SLC26A3: variants seen among roughly 807,000 people sequenced by gnomAD.
The protein encoded by SLC26A3 is solute carrier family 26 member 3, also known as chloride anion exchanger.
A neutral mutation model predicts 85.6 loss-of-function variants in SLC26A3; 64 were observed. The ratio of observed to expected loss-of-function variants is 0.75; its 90% confidence interval spans 0.61 to 0.92. The LOEUF is 0.92. Ranked by LOEUF, SLC26A3 falls within the 40% of genes least tolerant of loss-of-function variation. The pLI is 0.00. For missense variants in SLC26A3, 922 were observed against 927.3 expected (o/e 0.99, Z 0.07); for synonymous variants, 349 against 336.0 (o/e 1.04, Z -0.42).
chr7:107,790,953 T>C, intron 5 of SLC26A3, 95 bp downstream of exon 5: 1 of 1,288,362 alleles, frequency 7.8e-7, no homozygotes, highest in Non-Finnish European at 1.1e-6. Flanking sequence ...AAAGGGAAGA[T>C]GGGGAGGAGT....
At position 107,791,180 on chromosome 7, in the gene SLC26A3, T is replaced by C; in HGVS notation, c.438A>G (p.Ser146=). ...TTGCATTGCGATCTGGGACTGCTTT[T>C]GAAACTGCTCCTGAAACTGCTAGTC... The part of the protein sequence containing the change: ...MVGLAVSGAV[S]KAVPDRNATT... Residue 146 remains serine, a synonymous_variant, in exon 5 of 21, where the codon TCA becomes TCG. Coordinates refer to ENST00000340010, the MANE Select transcript of SLC26A3 (RefSeq NM_000111.3). 1 of 1,614,226 alleles carries C rather than the reference T, an allele frequency of 6.2e-7. No individual in the cohort carries two copies. Among genetic ancestry groups the C allele is most frequent in the Non-Finnish European group, 8.5e-7 (1 of 1,180,046 alleles).
chr7:107,770,550 T>C (rs897757488), intron 18 of SLC26A3, among the ~76,000 whole-genome samples: 2 of 152,050 alleles, frequency 1.3e-5, no homozygotes, highest in African/African-American at 4.8e-5. Flanking sequence ...GAGCCACCGC[T>C]CCCAGCCTCT....
rs1172274153 is a variant in SLC26A3 at position 107,782,830 on chromosome 7, T to C, written c.1278A>G (p.Leu426=). 6.2e-7 allele frequency: 1 copy of C among 1,614,132 alleles called. No individual in the cohort carries two copies. The highest frequency in any genetic ancestry group is 1.7e-5 in the Admixed American group (1 of 60,016). ...IGAIIVLIVV[L]AIGFLLAPLQ... ...GAGGCGCCAGGAGAAATCCAATGGC[T>C]AGAACGACAATCAGCACGATGATGG... Residue 426 remains leucine (L), a synonymous_variant, in exon 11 of 21, where the codon CTA becomes CTG. Transcript: ENST00000340010.
intron 11 of SLC26A3, 26 bp downstream of exon 11, chr7:107,782,771 G>A (rs1441925088): frequency 1.9e-6 from 3 of 1,602,458 alleles, no homozygotes; most frequent in Admixed American, 3.3e-5. Context: ...ACTAAAAGTA[G>A]AGATGCTATC....
intron 1 of SLC26A3, among the ~76,000 whole-genome samples, chr7:107,799,589 G>C (rs761513097): frequency 4.6e-5 from 7 of 151,984 alleles, no homozygotes; most frequent in Non-Finnish European, 7.4e-5. Flanking sequence ...ATGGAGTTTC[G>C]CCATGTTGGC....
chr7:107,769,678 A>G (rs1412908679), intron 18 of SLC26A3, among the ~76,000 whole-genome samples: 1 of 152,168 alleles, frequency 6.6e-6, no homozygotes, highest in East Asian at 1.9e-4. Context: ...AACCCCCATG[A>G]CACGAGTTTA....
intron 3 of SLC26A3, 47 bp from the exon 4 acceptor site, chr7:107,791,987 C>A (rs746465248): frequency 1.8e-6 from 2 of 1,109,264 alleles, no homozygotes; most frequent in Admixed American, 3.4e-5. Context: ...CAAGAGGAAT[C>A]AAAGACATTC....
intron 11 of SLC26A3, 58 bp downstream of exon 11, chr7:107,782,739 G>A (rs1157739233): frequency 2.7e-6 from 4 of 1,490,584 alleles, no homozygotes; most frequent in African/African-American, 1.4e-5. Flanking sequence ...CAGAATTTAA[G>A]AACCGGGGTC....
intron 6 of SLC26A3, 24 bp downstream of exon 6, chr7:107,789,500 T>G (rs1794356353): frequency 6.2e-7 from 1 of 1,608,630 alleles, no homozygotes; most frequent in African/African-American, 1.3e-5. Context: ...ATTTCAGTAT[T>G]TTTTAGGTGA....
At chr7:107,794,239 G>A (rs1794456488) in intron 2 of SLC26A3, 140 bp downstream of exon 2, 3 of 960,432 alleles carry the variant, frequency 3.1e-6, no homozygotes, top group South Asian at 2.8e-5. Flanking sequence ...CTGTCAGGGA[G>A]TAGGAGGTTT....
At chr7:107,796,670 A>T (rs1404044908) in intron 1 of SLC26A3, among the ~76,000 whole-genome samples, 1 of 152,148 alleles carries the variant, frequency 6.6e-6, no homozygotes, top group East Asian at 1.9e-4. Context: ...AATAATTAAG[A>T]TCTAATCCAT....
chr7:107,796,120 T>C (rs967242861), intron 1 of SLC26A3, among the ~76,000 whole-genome samples: 2 of 139,308 alleles, frequency 1.4e-5, no homozygotes, highest in African/African-American at 2.8e-5. Context: ...TTATTATTAT[T>C]ATTATTAGAG....
chr7:107,779,529 T>C lies in SLC26A3; in HGVS notation c.1407+139A>G, dbSNP rs902446140. ...GAATATGCAATTTAAAAATAGCAAA[T>C]AAAACAAACTAAGGTTTTTTTGAAC... On this transcript the variant is annotated intron_variant, in intron 12 of 20. Coordinates refer to ENST00000340010, the MANE Select transcript of SLC26A3 (RefSeq NM_000111.3). 3.9e-5 allele frequency: 28 copies of C among 713,288 alleles called. No individual in the cohort carries two copies. In the Middle Eastern group the frequency reaches 1.9e-3, roughly 49 times the overall value. 44.2% of individuals were successfully genotyped at this position (713,288 alleles called of 1,614,324 possible).
chr7:107,796,261 C>A (rs1306047615), intron 1 of SLC26A3, among the ~76,000 whole-genome samples: 8 of 151,950 alleles, frequency 5.3e-5, no homozygotes, highest in Non-Finnish European at 1.2e-4. Context: ...GCCCACCATG[C>A]CCTGCTAATT....
intron 18 of SLC26A3, among the ~76,000 whole-genome samples, chr7:107,770,026 CTTTCTTTCTTTCTTTCTTTCTT>C (rs1793985086): frequency 1.9e-5 from 1 of 52,056 alleles, no homozygotes; most frequent in Non-Finnish European, 4.3e-5. Context: ...TTCTTTCTTT[CTTTCTTTCTTTCTTTCTTTCTT>C]TCTCTTTTCT....
At chr7:107,773,061 G>C (rs1182362627) in intron 17 of SLC26A3, among the ~76,000 whole-genome samples, 1 of 152,134 alleles carries the variant, frequency 6.6e-6, no homozygotes, top group Admixed American at 6.5e-5. Flanking sequence ...ATTTCTGTTA[G>C]AAACTAATTT....
chr7:107,796,915 T>G (rs1480596409), intron 1 of SLC26A3, among the ~76,000 whole-genome samples: 1 of 152,234 alleles, frequency 6.6e-6, no homozygotes, highest in Non-Finnish European at 1.5e-5. Context: ...AATTTATTAG[T>G]TGTCTTCCCC....
chr7:107,774,182 CTG>C, intron 16 of SLC26A3, 29 bp from the exon 17 acceptor site: 2 of 1,541,918 alleles, frequency 1.3e-6, no homozygotes, highest in East Asian at 2.2e-5. Context: ...AGTATGAAAA[CTG>C]TGACCAAGAA....
Position 107,789,363 on chromosome 7 carries a change from G to A in SLC26A3, c.735+161C>T, listed in dbSNP as rs571103506. ...TCTCGATCTCCTGATCTCGTGATCC[G>A]CCCGCCTCGGCCTCCCAAAGTGCTG... On this transcript the variant is annotated intron_variant, in intron 6 of 20. Transcript: ENST00000340010. Among the ~76,000 whole-genome samples, 178 of 151,046 alleles carry A rather than the reference G, an allele frequency of 1.2e-3. 1 individual carries two copies. The highest frequency in any genetic ancestry group is 3.0e-3 in the African/African-American group (124 of 41,132).
Sources: allele counts gnomAD v4.1 joint callset (sites outside exome capture counted in the v4.1 genomes callset), GRCh38; gene constraint gnomAD v4.1.1; transcripts MANE v1.5; gene names NCBI Gene and HGNC (gene_info 2026-07-23, HGNC 2026-07-21).